Variants in CACNG4 observed in about 807,000 individuals in gnomAD.
The protein encoded by CACNG4 is voltage-dependent calcium channel gamma-4 subunit.
In CACNG4, 8 loss-of-function variants were observed where a neutral mutation model predicts 22.9. That is an observed-to-expected ratio of 0.35 (90% CI 0.21 to 0.63). The LOEUF (loss-of-function observed/expected upper bound fraction) is 0.63, where lower values mean the gene tolerates loss of function less well. Ranked by LOEUF, CACNG4 falls within the 30% of genes least tolerant of loss-of-function variation. The probability of loss-of-function intolerance (pLI) is 0.72; values close to 1 mark genes in which losing one functional copy is unlikely to be tolerated. For synonymous variants in CACNG4, 188 were observed against 191.9 expected, an observed-to-expected ratio of 0.98 and a Z score of 0.17; for missense variants, 357 against 455.4, an observed-to-expected ratio of 0.78 and a Z score of 1.97.
chr17:66,989,154 G>A (rs564151122), intron 1 of CACNG4, among the ~76,000 whole-genome samples: 4 of 150,884 alleles, frequency 2.7e-5, no homozygotes, highest in African/African-American at 7.4e-5. Context: ...TTAGCTTCAG[G>A]GAGAATTATG....
At chr17:66,972,390 C>A (rs1381747199) in intron 1 of CACNG4, among the ~76,000 whole-genome samples, 1 of 152,178 alleles carries the variant, frequency 6.6e-6, no homozygotes, top group East Asian at 1.9e-4. Context: ...GTCCTCTGTG[C>A]TGTAGGTGTT....
At chr17:67,014,335 G>T (rs771495736) in intron 1 of CACNG4, among the ~76,000 whole-genome samples, 16 of 152,128 alleles carry the variant, frequency 1.1e-4, no homozygotes, top group Non-Finnish European at 2.1e-4. Context: ...CAGCGCTAAC[G>T]AAATTAAATT....
chr17:67,001,571 C>T (rs1349639031), intron 1 of CACNG4, among the ~76,000 whole-genome samples: 2 of 152,220 alleles, frequency 1.3e-5, no homozygotes. Context: ...CCCAGGCCCC[C>T]TCATGCTACT....
At position 67,026,644 on chromosome 17, in the gene CACNG4, G is replaced by A. The variant is rs184008125; in HGVS notation, c.445+1644G>A. On this transcript the variant is annotated intron_variant, in intron 3 of 3. Transcript: ENST00000262138. Reference sequence around the variant, plus strand: ...ACTGTGGTGTGTGTGTGTCTGAGACGTGTAGTGTGCGTGTGTGTATTTGAG... The same window carrying A: ...ACTGTGGTGTGTGTGTGTCTGAGACATGTAGTGTGCGTGTGTGTATTTGAG... Among the ~76,000 whole-genome samples the A allele has an allele frequency of 1.8e-4, 27 of 149,652 alleles. 1 individual carries two copies. Among genetic ancestry groups the A allele is most frequent in the Admixed American group, 5.3e-4 (8 of 15,060 alleles).
chr17:66,976,305 C>T lies in CACNG4; in HGVS notation c.220+11174C>T, dbSNP rs537172588. The stretch of plus-strand genomic sequence containing the variant: ...CGGCTGTCAAATTGGCAAATAAAAC[C>T]TGTCCTCCCCTCCCTCCTCCCTCTG... On this transcript the variant is annotated intron_variant, in intron 1 of 3. Coordinates refer to ENST00000262138, the MANE Select transcript of CACNG4 (RefSeq NM_014405.4). Among the ~76,000 whole-genome samples, 35 of 152,142 alleles carry T rather than the reference C, an allele frequency of 2.3e-4. No homozygotes were observed. In the South Asian group the frequency reaches 6.6e-3, roughly 29 times the overall value.
chr17:67,010,406 T>C (rs1389087486), intron 1 of CACNG4, among the ~76,000 whole-genome samples: 1 of 152,144 alleles, frequency 6.6e-6, no homozygotes, highest in East Asian at 1.9e-4. Flanking sequence ...TCTGCCTCCT[T>C]GGTGTACGAA....
chr17:67,029,362 T>C (rs1482694745), intron 3 of CACNG4, among the ~76,000 whole-genome samples: 1 of 150,204 alleles, frequency 6.7e-6, no homozygotes, highest in Non-Finnish European at 1.5e-5. Context: ...CCGGGTGTGG[T>C]GGCTCACGCC....
At chr17:66,981,180 T>G (rs1274286773) in intron 1 of CACNG4, among the ~76,000 whole-genome samples, 1 of 152,138 alleles carries the variant, frequency 6.6e-6, no homozygotes, top group Non-Finnish European at 1.5e-5. Context: ...CTTCTGTTCT[T>G]AGCAAGAGTT....
intron 1 of CACNG4, among the ~76,000 whole-genome samples, chr17:66,970,224 A>G (rs1338661330): frequency 1.3e-5 from 2 of 152,226 alleles, no homozygotes; most frequent in Admixed American, 1.3e-4. Flanking sequence ...AAGGTGGAAC[A>G]TAGGAGCTCT....
At chr17:67,018,093 C>T in intron 1 of CACNG4, 96 bp from the exon 2 acceptor site, 1 of 914,240 alleles carries the variant, frequency 1.1e-6, no homozygotes, top group Non-Finnish European at 1.8e-6. Flanking sequence ...CCAGGACCTG[C>T]ACAGAGGCTC....
chr17:67,014,405 G>A (rs1032446540), intron 1 of CACNG4, among the ~76,000 whole-genome samples: 3 of 152,166 alleles, frequency 2.0e-5, no homozygotes, highest in East Asian at 3.9e-4. Context: ...AAACAGATTC[G>A]GGGGAGGTGA....
chr17:67,022,279 T>C lies in CACNG4; in HGVS notation c.305-2581T>C, dbSNP rs9896619. 9.5e-3 allele frequency among the ~76,000 whole-genome samples: 1,442 copies of C among 152,244 alleles called. 22 individuals carry two copies. The highest frequency in any genetic ancestry group is 0.033 in the African/African-American group (1,389 of 41,540). On this transcript the variant is annotated intron_variant, in intron 2 of 3. Transcript: ENST00000262138. ...TAGTGGAGACTGGGTTTCACAATGTTGGCCAGGCTGGTCTCAAACTCCTGA... is the reference window on the plus strand; with the variant it reads ...TAGTGGAGACTGGGTTTCACAATGTCGGCCAGGCTGGTCTCAAACTCCTGA...
chr17:67,008,004 C>G (rs1303085292), intron 1 of CACNG4, among the ~76,000 whole-genome samples: 2 of 152,170 alleles, frequency 1.3e-5, no homozygotes, highest in African/African-American at 4.8e-5. Context: ...CAGGCCACCT[C>G]AAACTGCAAG....
intron 1 of CACNG4, among the ~76,000 whole-genome samples, chr17:66,994,856 C>A (rs2143314472): frequency 6.6e-6 from 1 of 152,178 alleles, no homozygotes; most frequent in Admixed American, 6.5e-5. Context: ...AGAGGTCTTC[C>A]CAGGCAGGGT....
chr17:66,975,596 TTCTC>T (rs1350860939), intron 1 of CACNG4, among the ~76,000 whole-genome samples: 15 of 152,124 alleles, frequency 9.9e-5, no homozygotes, highest in Admixed American at 9.8e-4. Flanking sequence ...TATCATCGCT[TTCTC>T]TCTATTTCCA....
intron 1 of CACNG4, among the ~76,000 whole-genome samples, chr17:66,983,101 G>A (rs1046143939): frequency 4.6e-5 from 7 of 152,094 alleles, no homozygotes; most frequent in Admixed American, 2.6e-4. Context: ...CTCTTCATTC[G>A]GCTATACCTC....
At chr17:66,977,640 C>T (rs2035245937) in intron 1 of CACNG4, among the ~76,000 whole-genome samples, 1 of 152,200 alleles carries the variant, frequency 6.6e-6, no homozygotes, top group Non-Finnish European at 1.5e-5. Flanking sequence ...TGAGGGTGGC[C>T]CAGGCACCAC....
chr17:66,993,583 G>A (rs550678572), intron 1 of CACNG4, among the ~76,000 whole-genome samples: 1 of 152,162 alleles, frequency 6.6e-6, no homozygotes, highest in African/African-American at 2.4e-5. Context: ...GGACAAAAGT[G>A]CTTAAAAAGT....
intron 1 of CACNG4, among the ~76,000 whole-genome samples, chr17:67,001,518 G>A (rs1414363829): frequency 6.6e-6 from 1 of 152,132 alleles, no homozygotes. Context: ...CAGCTGTACT[G>A]TGGGTTCCTC....
Sources: allele counts gnomAD v4.1 joint callset (sites outside exome capture counted in the v4.1 genomes callset), GRCh38; gene constraint gnomAD v4.1.1; transcripts MANE v1.5; gene names NCBI Gene and HGNC (gene_info 2026-07-23, HGNC 2026-07-21).